The following SYT1 variants were observed in gnomAD, a reference collection of about 807,000 sequenced individuals.
SYT1 encodes the protein synaptotagmin 1.
Under a neutral mutation model 44.8 loss-of-function variants are expected in SYT1, and 8 were observed. That is an observed-to-expected ratio of 0.18 (90% CI 0.10 to 0.32). The LOEUF (loss-of-function observed/expected upper bound fraction) is 0.32. SYT1 is among the 10% of genes least tolerant of loss of function. The probability of loss-of-function intolerance (pLI) is 1.00; values close to 1 mark genes in which losing one functional copy is unlikely to be tolerated. For synonymous variants in SYT1, 154 were observed against 188.8 expected (o/e 0.82, Z 1.51); for missense variants, 286 against 509.3 (o/e 0.56, Z 4.22).
chr12:79,340,013 C>T (rs1405971396), intron 8 of SYT1, among the ~76,000 whole-genome samples: 3 of 152,128 alleles, frequency 2.0e-5, no homozygotes, highest in Non-Finnish European at 4.4e-5. Flanking sequence ...GGGCTCTGTT[C>T]TGTTCCATTG....
At chr12:79,205,057 C>T (rs1436443247) in intron 3 of SYT1, among the ~76,000 whole-genome samples, 3 of 150,658 alleles carry the variant, frequency 2.0e-5, no homozygotes, top group Non-Finnish European at 3.0e-5. Context: ...CTCCGCCTCC[C>T]GAGTTCACGC....
chr12:79,007,446 A>G (rs1331953645), intron 2 of SYT1, among the ~76,000 whole-genome samples: 1 of 152,156 alleles, frequency 6.6e-6, no homozygotes, highest in African/African-American at 2.4e-5. Flanking sequence ...TTTTGTAGTC[A>G]GCTTCATTAC....
At chr12:79,060,927 T>C (rs183367182) in intron 3 of SYT1, among the ~76,000 whole-genome samples, 1 of 152,228 alleles carries the variant, frequency 6.6e-6, no homozygotes, top group Admixed American at 6.5e-5. Flanking sequence ...TTAGGATTTA[T>C]GAGTTATAAA....
intron 1 of SYT1, among the ~76,000 whole-genome samples, chr12:78,915,690 T>G (rs1341186812): frequency 6.6e-6 from 1 of 152,020 alleles, no homozygotes; most frequent in Non-Finnish European, 1.5e-5. Flanking sequence ...CTTACAATAT[T>G]TCTTTTTTTT....
chr12:79,180,625 A>G (rs1872476175), intron 3 of SYT1, among the ~76,000 whole-genome samples: 1 of 151,968 alleles, frequency 6.6e-6, no homozygotes, highest in Non-Finnish European at 1.5e-5. Flanking sequence ...GGCGTCTCAC[A>G]TGGCAGGAGC....
intron 1 of SYT1, among the ~76,000 whole-genome samples, chr12:78,949,647 C>T (rs1263569525): frequency 6.6e-6 from 1 of 151,924 alleles, no homozygotes; most frequent in East Asian, 1.9e-4. Flanking sequence ...CATAAAACTT[C>T]CCCTAAAAGA....
At chr12:79,428,461 C>G (rs2136172034) in intron 9 of SYT1, among the ~76,000 whole-genome samples, 1 of 152,246 alleles carries the variant, frequency 6.6e-6, no homozygotes, top group African/African-American at 2.4e-5. Flanking sequence ...TGTCTTTTCC[C>G]CAAGCATGCA....
intron 2 of SYT1, among the ~76,000 whole-genome samples, chr12:79,001,303 G>A (rs1870728452): frequency 6.6e-6 from 1 of 150,442 alleles, no homozygotes; most frequent in Non-Finnish European, 1.5e-5. Context: ...GCCACTGTCA[G>A]TAGTACAGTA....
intron 8 of SYT1, among the ~76,000 whole-genome samples, chr12:79,352,860 G>A (rs1882967895): frequency 6.6e-6 from 1 of 152,068 alleles, no homozygotes; most frequent in African/African-American, 2.4e-5. Flanking sequence ...TGTTACTATG[G>A]GTTTCAATTT....
intron 2 of SYT1, among the ~76,000 whole-genome samples, chr12:79,032,607 G>A (rs550317207): frequency 1.3e-5 from 2 of 151,318 alleles, no homozygotes; most frequent in South Asian, 2.1e-4. Context: ...GCATTTAAAC[G>A]ATTTCATTAT....
At chr12:79,301,625 T>A (rs941461597) in intron 8 of SYT1, among the ~76,000 whole-genome samples, 1 of 152,170 alleles carries the variant, frequency 6.6e-6, no homozygotes, top group African/African-American at 2.4e-5. Flanking sequence ...ACCTTTTTCT[T>A]GGTTAATTTT....
At chr12:79,298,855 C>A (rs1222983036) in intron 7 of SYT1, among the ~76,000 whole-genome samples, 2 of 152,080 alleles carry the variant, frequency 1.3e-5, no homozygotes, top group African/African-American at 4.8e-5. Context: ...GTAGGTGAGG[C>A]ACTTGTGAAT....
chr12:78,997,726 G>A (rs972835950), intron 2 of SYT1, among the ~76,000 whole-genome samples: 5 of 151,356 alleles, frequency 3.3e-5, no homozygotes, highest in African/African-American at 4.9e-5. Flanking sequence ...ATGAGATGAC[G>A]GGTAGGAAAG....
chr12:79,094,439 A>C (rs1877987019), intron 3 of SYT1, among the ~76,000 whole-genome samples: 1 of 151,856 alleles, frequency 6.6e-6, no homozygotes. Flanking sequence ...AAATTCTTCC[A>C]AGAAATTTTA....
chr12:78,977,810 AAACTAGCAAGAGCTAGCAAG>A lies in SYT1; in HGVS notation c.-190_-171del, dbSNP rs947175879. On this transcript the variant is annotated 5_prime_UTR_variant, in exon 2 of 11. Coordinates refer to ENST00000261205, the MANE Select transcript of SYT1 (RefSeq NM_005639.3). Reference sequence around the variant, plus strand: ...CTCTCTCTCTCAAGGGAAAACGGGAAAACTAGCAAGAGCTAGCAAGAACTAGCAAGAGCTTGAACAAACGC... The same window carrying A: ...CTCTCTCTCTCAAGGGAAAACGGGAAAACTAGCAAGAGCTTGAACAAACGC... The A allele has an allele frequency of 6.6e-6, 1 of 152,258 alleles. No individual in the cohort carries two copies. Among genetic ancestry groups the A allele is most frequent in the Admixed American group, 6.5e-5 (1 of 15,272 alleles). 9.4% of individuals were successfully genotyped at this position (152,258 alleles called of 1,614,324 possible).
chr12:79,364,140 A>G (rs1216010592), intron 9 of SYT1, among the ~76,000 whole-genome samples: 1 of 152,196 alleles, frequency 6.6e-6, no homozygotes, highest in Non-Finnish European at 1.5e-5. Context: ...CGGCTCATAA[A>G]TAAAAACCAG....
Position 79,296,359 on chromosome 12 carries a change from C to A in SYT1, c.642+123C>A, listed in dbSNP as rs1879875505. ...TTCAGGCACTCACAATAATTCCAGT[C>A]AGAATATGCAAAATTCTTATCTTCA... On this transcript the variant is annotated intron_variant, in intron 7 of 10. Transcript: ENST00000261205. 1.1e-5 allele frequency: 11 copies of A among 995,562 alleles called. No homozygotes were observed. The South Asian group carries it at 1.4e-4, about 13-fold the overall frequency. The allele number at this position is 995,562 out of a possible 1,614,324, so 61.7% of individuals were successfully genotyped here.
At chr12:79,343,668 A>G (rs1882476032) in intron 8 of SYT1, among the ~76,000 whole-genome samples, 1 of 152,250 alleles carries the variant, frequency 6.6e-6, no homozygotes, top group Non-Finnish European at 1.5e-5. Flanking sequence ...TGTCAGTAAT[A>G]AAATATTTGG....
intron 1 of SYT1, among the ~76,000 whole-genome samples, chr12:78,965,147 C>A (rs949625037): frequency 6.6e-6 from 1 of 152,024 alleles, no homozygotes; most frequent in Admixed American, 6.6e-5. Flanking sequence ...TTTATATTCA[C>A]TTTAATCTTC....
Sources: gnomAD v4.1 joint callset for allele counts (sites outside exome capture counted in the v4.1 genomes callset) on GRCh38, gnomAD v4.1.1 for gene constraint, MANE v1.5 for transcripts, NCBI Gene and HGNC (gene_info 2026-07-23, HGNC 2026-07-21) for gene names.